Variants in GLMN observed in about 807,000 individuals in gnomAD.
GLMN encodes glomulin.
A neutral mutation model predicts 87.8 loss-of-function variants in GLMN; 75 were observed. The observed-to-expected ratio is 0.85, with a 90% confidence interval of 0.71 to 1.04. The LOEUF is 1.04. Among genes scored for constraint, GLMN ranks in the 50% least tolerant of loss-of-function variants. GLMN has a pLI of 0.00. For missense variants in GLMN, 588 were observed against 658.8 expected (o/e 0.89, Z 1.18); for synonymous variants, 206 against 221.6 (o/e 0.93, Z 0.63).
At chr1:92,333,710 G>GT in the GLMN span, among the ~76,000 whole-genome samples, 2 of 152,154 alleles carry the variant, frequency 1.3e-5, no homozygotes, top group African/African-American at 4.8e-5. Context: ...GAGATTGTGG[G>GT]TTTAGAAGAC....
intron 16 of GLMN, 136 bp from the exon 17 acceptor site, chr1:92,248,125 A>G: frequency 1.6e-6 from 1 of 626,404 alleles, no homozygotes; most frequent in East Asian, 2.8e-5. Flanking sequence ...CTATTTAATA[A>G]TTATTACTAT....
chr1:92,330,258 A>G, the GLMN span, among the ~76,000 whole-genome samples: 3 of 152,310 alleles, frequency 2.0e-5, no homozygotes, highest in African/African-American at 4.8e-5. Flanking sequence ...TGCACTGCCT[A>G]TAATTTTCCT....
the GLMN span, chr1:92,336,329 T>A: frequency 6.3e-7 from 1 of 1,578,396 alleles, no homozygotes; most frequent in Non-Finnish European, 8.7e-7. Context: ...AAAATAAATG[T>A]AATTTTTAAA....
intron 16 of GLMN, among the ~76,000 whole-genome samples, chr1:92,260,427 G>A (rs991178519): frequency 6.6e-6 from 1 of 151,894 alleles, no homozygotes; most frequent in African/African-American, 2.4e-5. Flanking sequence ...ACCAGCCTGG[G>A]CAACATGATG....
the GLMN span, among the ~76,000 whole-genome samples, chr1:92,338,457 T>C: frequency 6.6e-6 from 1 of 152,158 alleles, no homozygotes; most frequent in South Asian, 2.1e-4. Context: ...CACAGAACCA[T>C]GCATCCAAAA....
At chr1:92,276,000 T>C (rs1209264128) in intron 7 of GLMN, among the ~76,000 whole-genome samples, 3 of 152,118 alleles carry the variant, frequency 2.0e-5, no homozygotes, top group African/African-American at 7.2e-5. Context: ...GGTGGGAGGA[T>C]CACTTGAGCC....
chr1:92,350,408 A>T, the GLMN span, among the ~76,000 whole-genome samples: 1 of 152,196 alleles, frequency 6.6e-6, no homozygotes, highest in African/African-American at 2.4e-5. Flanking sequence ...CAATAAAATA[A>T]CCTGATAATT....
At chr1:92,355,128 C>T in the GLMN span, among the ~76,000 whole-genome samples, 1 of 151,976 alleles carries the variant, frequency 6.6e-6, no homozygotes, top group Non-Finnish European at 1.5e-5. Context: ...GTCTTGAGCT[C>T]AAGCAATCCT....
At chr1:92,266,367 C>T in intron 13 of GLMN, 52 bp downstream of exon 13, 1 of 927,526 alleles carries the variant, frequency 1.1e-6, no homozygotes, top group South Asian at 1.3e-5. Flanking sequence ...ATGGCATTAA[C>T]ATGACTTTTA....
At chr1:92,324,067 T>G in the GLMN span, 1 of 1,614,020 alleles carries the variant, frequency 6.2e-7, no homozygotes, top group Non-Finnish European at 8.5e-7. Context: ...AGAAGAAACA[T>G]TGAGGTTTTT....
At chr1:92,269,895 C>A in intron 8 of GLMN, 119 bp from the exon 9 acceptor site, 1 of 678,538 alleles carries the variant, frequency 1.5e-6, no homozygotes, top group Non-Finnish European at 2.7e-6. Context: ...GGAGTCCTAA[C>A]CTCTAGTACC....
intron 7 of GLMN, among the ~76,000 whole-genome samples, chr1:92,273,541 G>C (rs1656481336): frequency 6.6e-6 from 1 of 150,974 alleles, no homozygotes; most frequent in Admixed American, 6.6e-5. Context: ...ACTTCCCCAG[G>C]CTCAAGCAAT....
intron 16 of GLMN, among the ~76,000 whole-genome samples, chr1:92,253,879 C>A (rs749629578): frequency 6.6e-6 from 1 of 152,130 alleles, no homozygotes; most frequent in Non-Finnish European, 1.5e-5. Context: ...GATCACAACT[C>A]CTTGCCAGCA....
the GLMN span, among the ~76,000 whole-genome samples, chr1:92,351,090 C>T: frequency 6.6e-6 from 1 of 151,660 alleles, no homozygotes. Context: ...AGGTGGATCA[C>T]GAAGTCAGAA....
chr1:92,308,503 C>T, the GLMN span, among the ~76,000 whole-genome samples: 4 of 152,186 alleles, frequency 2.6e-5, no homozygotes, highest in African/African-American at 9.7e-5. Flanking sequence ...TCAAGTTATC[C>T]TTAACTTTGC....
the GLMN span, chr1:92,307,149 A>C: frequency 2.1e-6 from 3 of 1,403,402 alleles, no homozygotes; most frequent in Non-Finnish European, 3.0e-6. Flanking sequence ...GTAATGTTTC[A>C]TGATAAGAAA....
At chr1:92,259,041 G>A (rs1654649486) in intron 16 of GLMN, among the ~76,000 whole-genome samples, 1 of 152,094 alleles carries the variant, frequency 6.6e-6, no homozygotes, top group Non-Finnish European at 1.5e-5. Context: ...TAAAATTCCT[G>A]ATATTTACCT....
chr1:92,291,635 T>C, intron 3 of GLMN, 98 bp from the exon 4 acceptor site: 2 of 1,214,242 alleles, frequency 1.6e-6, no homozygotes, highest in Non-Finnish European at 2.4e-6. Flanking sequence ...GTTTCTGAAA[T>C]AGGAAGATGA....
At chr1:92,255,534 C>T (rs1189157240) in intron 16 of GLMN, among the ~76,000 whole-genome samples, 1 of 151,922 alleles carries the variant, frequency 6.6e-6, no homozygotes, top group Non-Finnish European at 1.5e-5. Flanking sequence ...TCAGCAAATG[C>T]AAAAGAACAG....
Sources: gnomAD v4.1 joint callset for allele counts (sites outside exome capture counted in the v4.1 genomes callset) on GRCh38, gnomAD v4.1.1 for gene constraint, MANE v1.5 for transcripts, NCBI Gene and HGNC (gene_info 2026-07-23, HGNC 2026-07-21) for gene names.